The following ZDHHC16 variants were observed in gnomAD, a reference collection of about 807,000 sequenced individuals.
ZDHHC16 encodes palmitoyltransferase ZDHHC16.
A neutral mutation model predicts 54.4 loss-of-function variants in ZDHHC16; 33 were observed. That is an observed-to-expected ratio of 0.61 (90% CI 0.46 to 0.81). ZDHHC16 has a LOEUF of 0.81. Among genes scored for constraint, ZDHHC16 ranks in the 30% least tolerant of loss-of-function variants. ZDHHC16 has a pLI of 0.00. For synonymous variants in ZDHHC16, 185 were observed against 182.1 expected, an observed-to-expected ratio of 1.02 and a Z score of -0.13; for missense variants, 420 against 485.9, an observed-to-expected ratio of 0.86 and a Z score of 1.28.
intron 11 of ZDHHC16, 33 bp downstream of exon 11, chr10:97,456,077 A>G (rs188215439): frequency 6.7e-4 from 1,083 of 1,606,850 alleles, no homozygotes; most frequent in Middle Eastern, 3.3e-3. Flanking sequence ...ATGCTGTCCA[A>G]CAGAACACTG....
Position 97,456,880 on chromosome 10 carries a change from A to G in ZDHHC16, c.1123A>G (p.Met375Val). The change falls in exon 12 of 12, where the codon ATG becomes GTG. Residue 375 changes from methionine to valine, a missense_variant. By Grantham distance (21) the Met-to-Val change is conservative. Transcript: ENST00000393760. ...PWVTAHSASV[M>V]AV ...GGTGACTGCTCACTCAGCCTCTGTG[A>G]TGGCAGTGTGAGCTGGACTGTGTCA... is the stretch of plus-strand genomic sequence containing the variant. 6.2e-7 allele frequency: 1 copy of G among 1,611,168 alleles called. No homozygotes were observed. Among genetic ancestry groups the G allele is most frequent in the East Asian group, 2.2e-5 (1 of 44,792 alleles).
rs1190107276 is a variant in ZDHHC16 at position 97,452,189 on chromosome 10, CTCT to C, written c.344_346del (p.Leu115_Cys116delinsArg). The stretch of plus-strand genomic sequence containing the variant: ...CCTCCGAACCTACTCAGTGCCACGA[CTCT>C]GCTGGCATTTCTTCTATAGCCACTG... On this transcript the variant is annotated inframe_deletion, in exon 4 of 12. Transcript: ENST00000393760. 1.2e-6 allele frequency: 2 copies of C among 1,614,026 alleles called. No homozygotes were observed. Among genetic ancestry groups the C allele is most frequent in the African/African-American group, 2.7e-5 (2 of 74,924 alleles).
At chr10:97,452,651 A>C in intron 5 of ZDHHC16, 148 bp downstream of exon 5, 1 of 1,015,444 alleles carries the variant, frequency 9.8e-7, no homozygotes, top group African/African-American at 1.6e-5. Context: ...CCTCATCCTT[A>C]GGATGGTCCT....
intron 6 of ZDHHC16, 117 bp downstream of exon 6, chr10:97,453,040 G>A: frequency 7.5e-7 from 1 of 1,337,508 alleles, no homozygotes; most frequent in Non-Finnish European, 1.1e-6. Flanking sequence ...GAGGAGTTGT[G>A]GGGCCTGACC....
chr10:97,452,310 G>A, intron 4 of ZDHHC16, 26 bp downstream of exon 4: 13 of 1,613,474 alleles, frequency 8.1e-6, no homozygotes, highest in Non-Finnish European at 1.1e-5. Flanking sequence ...AGCACTGGGG[G>A]AAGTTGCTGG....
chr10:97,447,511 T>C (rs942217735), intron 1 of ZDHHC16, among the ~76,000 whole-genome samples: 1 of 152,248 alleles, frequency 6.6e-6, no homozygotes, highest in African/African-American at 2.4e-5. Context: ...GTACTCGGGC[T>C]TGTGCTTGGG....
intron 8 of ZDHHC16, 112 bp from the exon 9 acceptor site, chr10:97,454,602 T>C: frequency 9.9e-7 from 1 of 1,005,684 alleles, no homozygotes; most frequent in South Asian, 1.4e-5. Flanking sequence ...CTCTGTGGCT[T>C]TACCCTGTTT....
At position 97,452,450 on chromosome 10, in the gene ZDHHC16, G is replaced by A. The variant is rs771189111; in HGVS notation, c.474G>A (p.Lys158=). ...ATATCGCCACCGTCTCCATCTGTAA[G>A]AAGTGCATTTACCCCAAGCCAGCCC... ...RNDIATVSIC[K]KCIYPKPART... is the part of the protein sequence containing the mutation. The change falls in exon 5 of 12, where the codon AAG becomes AAA. Residue 158 remains lysine (K), a synonymous_variant. Coordinates refer to ENST00000393760, the MANE Select transcript of ZDHHC16 (RefSeq NM_198046.3). The A allele has an allele frequency of 1.9e-6, 3 of 1,614,198 alleles. 1 individual carries two copies. The South Asian group carries it at 3.3e-5, about 18-fold the overall frequency.
At position 97,452,271 on chromosome 10, in the gene ZDHHC16, G is replaced by T. The variant is rs142610539; in HGVS notation, c.425G>T (p.Gly142Val). 6.2e-7 allele frequency: 1 copy of T among 1,614,132 alleles called. No homozygotes were observed. ...TACCAGGCCATCACCACTCCGCCTGGGTACCCACCCCAGGTGGGTCCTCAC... is the reference window on the plus strand; with the variant it reads ...TACCAGGCCATCACCACTCCGCCTGTGTACCCACCCCAGGTGGGTCCTCAC... ...HYYQAITTPP[G>V]YPPQGRNDIA... is the part of the protein sequence containing the mutation. The change falls in exon 4 of 12, where the codon GGG becomes GTG. Residue 142 changes from glycine to valine, a missense_variant. Physicochemically the swap from Gly to Val is moderately radical, Grantham distance 109. Transcript: ENST00000393760.
At chr10:97,454,647 G>A in intron 8 of ZDHHC16, 67 bp from the exon 9 acceptor site, 4 of 1,379,796 alleles carry the variant, frequency 2.9e-6, no homozygotes, top group Non-Finnish European at 4.1e-6. Flanking sequence ...CCTGCCTATA[G>A]GTGCTGGGGG....
At chr10:97,453,405 G>T (rs1846835081) in intron 6 of ZDHHC16, 125 bp from the exon 7 acceptor site, 1 of 1,344,468 alleles carries the variant, frequency 7.4e-7, no homozygotes, top group Non-Finnish European at 1.0e-6. Flanking sequence ...CCTTTGGAAA[G>T]TAGTTCTTAG....
At chr10:97,450,995 G>C (rs1386900605) in intron 2 of ZDHHC16, 3 of 152,276 alleles carry the variant, frequency 2.0e-5, no homozygotes, top group Non-Finnish European at 2.9e-5. Context: ...GGGGTAGCTG[G>C]CTGTCCTGAC....
At chr10:97,452,664 G>C in intron 5 of ZDHHC16, 161 bp downstream of exon 5, 1 of 933,946 alleles carries the variant, frequency 1.1e-6, no homozygotes, top group Non-Finnish European at 1.6e-6. Context: ...ATGGTCCTGT[G>C]AGTTAGGCAT....
At chr10:97,449,149 T>C (rs1162855027) in intron 1 of ZDHHC16, among the ~76,000 whole-genome samples, 1 of 152,160 alleles carries the variant, frequency 6.6e-6, no homozygotes, top group Non-Finnish European at 1.5e-5. Flanking sequence ...AATCTGGTCT[T>C]TGAGGCAGAC....
Position 97,451,802 on chromosome 10 carries a change from A to G in ZDHHC16, c.127A>G (p.Lys43Glu). Residue 43 changes from lysine (K) to glutamate (E), a missense_variant, in exon 3 of 12, where the codon AAG (lysine) becomes GAG (glutamate). Physicochemically the swap from Lys to Glu is moderately conservative, Grantham distance 56. Transcript: ENST00000393760. The part of the protein sequence containing the change: ...RGLVQRWRYG[K>E]VCLRSLLYNS... ...TCTAGTACAGCGCTGGCGCTACGGC[A>G]AGGTCTGCCTGCGCTCCCTGCTCTA... 1 of 1,614,174 alleles carries G rather than the reference A, an allele frequency of 6.2e-7. No homozygotes were observed. Among genetic ancestry groups the G allele is most frequent in the East Asian group, 2.2e-5 (1 of 44,874 alleles).
chr10:97,456,576 C>T (rs1400942292), intron 11 of ZDHHC16: 2 of 467,656 alleles, frequency 4.3e-6, no homozygotes, highest in Non-Finnish European at 7.7e-6. Context: ...AGAAGTTTAG[C>T]TCGAAACCTT....
rs555288653 is a variant in ZDHHC16 at position 97,446,228 on chromosome 10, C to T, written c.-311C>T. The stretch of plus-strand genomic sequence containing the variant: ...CGGGTCCGCTGCCTGGCGCTGCGGG[C>T]GGCGGGCCATGGTGGTTTGGATTGA... On this transcript the variant is annotated 5_prime_UTR_variant, in exon 1 of 12. Transcript: ENST00000393760. 4 of 610,944 alleles carry T rather than the reference C, an allele frequency of 6.5e-6. No homozygotes were observed. Among genetic ancestry groups the T allele is most frequent in the Admixed American group, 5.9e-5 (2 of 34,162 alleles). 37.8% of individuals were successfully genotyped at this position (610,944 alleles called of 1,614,324 possible).
chr10:97,448,394 A>G (rs1378025162), intron 1 of ZDHHC16: 1 of 152,206 alleles, frequency 6.6e-6, no homozygotes, highest in Non-Finnish European at 1.5e-5. Flanking sequence ...TACACTTACC[A>G]AAGAAGTTTG....
rs773321185 is a variant in ZDHHC16 at position 97,452,236 on chromosome 10, C to G, written c.390C>G (p.Val130=). ...GCCACTGGAATCTGATCCTGATTGTCTTCCACTACTACCAGGCCATCACCA... is the reference window on the plus strand; with the variant it reads ...GCCACTGGAATCTGATCCTGATTGTGTTCCACTACTACCAGGCCATCACCA... The part of the protein sequence containing the change: ...FYSHWNLILI[V]FHYYQAITTP... Residue 130 remains valine, a synonymous_variant, in exon 4 of 12, where the codon GTC becomes GTG. Transcript: ENST00000393760. The G allele has an allele frequency of 1.2e-5, 20 of 1,614,048 alleles. No homozygotes were observed. The highest frequency in any genetic ancestry group is 1.6e-5 in the Non-Finnish European group (19 of 1,180,054).
Sources: allele counts gnomAD v4.1 joint callset (sites outside exome capture counted in the v4.1 genomes callset), GRCh38; gene constraint gnomAD v4.1.1; transcripts MANE v1.5; gene names NCBI Gene and HGNC (gene_info 2026-07-23, HGNC 2026-07-21).